Variants in TNRC6A observed in about 807,000 individuals in gnomAD.
TNRC6A encodes trinucleotide repeat containing adaptor 6A.
Under a neutral mutation model 221.2 loss-of-function variants are expected in TNRC6A, and 44 were observed. The observed-to-expected ratio is 0.20, with a 90% CI of 0.16 to 0.26. TNRC6A has a LOEUF of 0.26. TNRC6A is among the 10% of genes least tolerant of loss of function. The probability of loss-of-function intolerance (pLI) is 1.00; values close to 1 mark genes in which losing one functional copy is unlikely to be tolerated. For synonymous variants in TNRC6A, 847 were observed against 838.5 expected, an observed-to-expected ratio of 1.01 and a Z score of -0.18; for missense variants, 2,199 against 2,404.4, an observed-to-expected ratio of 0.91 and a Z score of 1.79.
intron 2 of TNRC6A, among the ~76,000 whole-genome samples, chr16:24,746,563 G>A (rs1033179381): frequency 3.3e-5 from 5 of 152,130 alleles, no homozygotes; most frequent in Non-Finnish European, 5.9e-5. Flanking sequence ...CTATTGATTG[G>A]TTTTTGGTTA....
chr16:24,687,911 C>CTTCTTTTCTTTTCTTTTCTTTTCTT lies in TNRC6A; in HGVS notation n.402+46925_402+46949dup, dbSNP rs551462314. Reference sequence around the variant, plus strand: ...GCTTATTCCAACTTTCTTGGACATGCTTCTTTTCTTTTCTTTTCTTTTCTT... The same window carrying CTTCTTTTCTTTTCTTTTCTTTTCTT: ...GCTTATTCCAACTTTCTTGGACATGCTTCTTTTCTTTTCTTTTCTTTTCTTTTCTTTTCTTTTCTTTTCTTTTCTT... On this transcript the variant is annotated intron_variant and non_coding_transcript_variant, in intron 2 of 2. Transcript: ENST00000566108. Among the ~76,000 whole-genome samples the CTTCTTTTCTTTTCTTTTCTTTTCTT allele has an allele frequency of 4.9e-4, 59 of 120,254 alleles. 1 individual carries two copies. The highest frequency in any genetic ancestry group is 1.8e-3 in the African/African-American group (56 of 31,550). 78.9% of individuals were successfully genotyped at this position (120,254 alleles called of 152,430 possible).
intron 4 of TNRC6A, among the ~76,000 whole-genome samples, chr16:24,764,224 A>C (rs2057423173): frequency 6.6e-6 from 1 of 151,738 alleles, no homozygotes; most frequent in Non-Finnish European, 1.5e-5. Context: ...TACATCACTC[A>C]ATGTCTTCCA....
chr16:24,724,663 G>C (rs906456467), upstream of TNRC6A, among the ~76,000 whole-genome samples: 24 of 152,136 alleles, frequency 1.6e-4, no homozygotes, highest in Non-Finnish European at 4.4e-5. Flanking sequence ...AGGATCACTT[G>C]AGCCCAGGAG....
chr16:24,798,093 A>T, intron 11 of TNRC6A, 127 bp downstream of exon 11: 1 of 688,378 alleles, frequency 1.5e-6, no homozygotes, highest in Non-Finnish European at 2.4e-6. Flanking sequence ...AGACGTACAC[A>T]TGCTGTGGTT....
rs537906470 is a variant in TNRC6A at position 24,804,422 on chromosome 16, C to T, written c.3837+103C>T. 6.8e-5 allele frequency: 89 copies of T among 1,317,228 alleles called. No homozygotes were observed. The African/African-American group carries it at 1.2e-3, about 17-fold the overall frequency. 81.6% of individuals were successfully genotyped at this position (1,317,228 alleles called of 1,614,324 possible). A position where few individuals can be genotyped will look rare whatever the true frequency, so the allele number is the denominator to read the frequency against. Reference sequence around the variant, plus strand: ...ACCTTTTATATAATATAAAGTGTTACAATCCACTACCAAATCTTATTACTG... The same window carrying T: ...ACCTTTTATATAATATAAAGTGTTATAATCCACTACCAAATCTTATTACTG... On this transcript the variant is annotated intron_variant, in intron 12 of 24. Transcript: ENST00000395799.
chr16:24,681,798 G>A (rs1253563291), intron 2 of TNRC6A, among the ~76,000 whole-genome samples: 1 of 152,094 alleles, frequency 6.6e-6, no homozygotes, highest in Non-Finnish European at 1.5e-5. Flanking sequence ...ATAGACAACT[G>A]GTTTGATTGT....
At chr16:24,695,083 G>C (rs1423156658) in intron 2 of TNRC6A, among the ~76,000 whole-genome samples, 1 of 152,124 alleles carries the variant, frequency 6.6e-6, no homozygotes, top group Admixed American at 6.6e-5. Flanking sequence ...TTGCTTGCTG[G>C]CACGGGAGTG....
intron 17 of TNRC6A, among the ~76,000 whole-genome samples, chr16:24,807,899 G>A (rs1397005896): frequency 6.6e-6 from 1 of 152,180 alleles, no homozygotes; most frequent in Non-Finnish European, 1.5e-5. Context: ...TGGGCTGTGG[G>A]CAGAGGCTGG....
At chr16:24,620,385 T>C in intron 1 of TNRC6A, among the ~76,000 whole-genome samples, 1 of 152,284 alleles carries the variant, frequency 6.6e-6, no homozygotes, top group East Asian at 1.9e-4. Flanking sequence ...GTATTGTTGG[T>C]AGTGTCGTTA....
intron 2 of TNRC6A, among the ~76,000 whole-genome samples, chr16:24,697,573 TAC>T (rs780760378): frequency 7.9e-4 from 120 of 152,178 alleles, no homozygotes; most frequent in Non-Finnish European, 1.4e-3. Flanking sequence ...TAGTCCCAGC[TAC>T]TTAGGAAGCT....
intron 1 of TNRC6A, among the ~76,000 whole-genome samples, chr16:24,633,875 C>G (rs929286333): frequency 6.6e-6 from 1 of 151,950 alleles, no homozygotes; most frequent in African/African-American, 2.4e-5. Flanking sequence ...CTCTGCCTCC[C>G]GGTTCCAGGG....
rs1161857914 is a variant in TNRC6A, at chr16:24,815,183, C to T, written c.4709C>T (p.Pro1570Leu). ...ISSGFRLEES[P>L]FVPYDFMNSS... ...AGTGGTTTCAGGCTGGAAGAGTCTC[C>T]ATTTGTTCCCTATGACTTTATGAAC... The change falls in exon 19 of 25, where the codon CCA becomes CTA. Residue 1570 changes from proline to leucine, a missense_variant. By Grantham distance (98) the Pro-to-Leu change is moderately conservative. Coordinates refer to ENST00000395799, the MANE Select transcript of TNRC6A (RefSeq NM_014494.4). The T allele has an allele frequency of 1.9e-6, 3 of 1,614,156 alleles. No individual in the cohort carries two copies. In the South Asian group the frequency reaches 3.3e-5, roughly 18 times the overall value.
In TNRC6A at chr16:24,729,668, T is replaced by TGCGGCGGCGGCGGTGTCGGCG. The variant is rs1025581060; in HGVS notation, c.-160_-140dup. ...GGGCATTCACTTCCGGTCTGGGGCC[T>TGCGGCGGCGGCGGTGTCGGCG]GCGGCGGCGGCGGTGTCGGCGGCGG... On this transcript the variant is annotated 5_prime_UTR_variant, in exon 1 of 25. Transcript: ENST00000395799. 18 of 649,362 alleles carry TGCGGCGGCGGCGGTGTCGGCG rather than the reference T, an allele frequency of 2.8e-5. No individual in the cohort carries two copies. The highest frequency in any genetic ancestry group is 1.2e-4 in the African/African-American group (6 of 49,234). 40.2% of individuals were successfully genotyped at this position (649,362 alleles called of 1,614,324 possible).
Position 24,794,733 on chromosome 16 carries a change from G to A in TNRC6A, c.3528+14G>A. 1 of 1,585,990 alleles carries A rather than the reference G, an allele frequency of 6.3e-7. No individual in the cohort carries two copies. The highest frequency in any genetic ancestry group is 8.5e-7 in the Non-Finnish European group (1 of 1,170,878). On this transcript the variant is annotated intron_variant, in intron 8 of 24. Transcript: ENST00000395799. ...ATGTCATCGAAGGTAAACATTTCAA[G>A]GGCAAAGCCCTTGAAACTTTAAATT...
intron 2 of TNRC6A, among the ~76,000 whole-genome samples, chr16:24,671,673 G>A (rs996483670): frequency 2.0e-5 from 3 of 152,150 alleles, no homozygotes; most frequent in Non-Finnish European, 4.4e-5. Flanking sequence ...AATCCAAAAT[G>A]TGAGATGTTT....
At chr16:24,745,681 G>T (rs533314441) in intron 2 of TNRC6A, among the ~76,000 whole-genome samples, 2 of 151,708 alleles carry the variant, frequency 1.3e-5, no homozygotes, top group African/African-American at 4.8e-5. Flanking sequence ...TCCCTCTGTT[G>T]CCCAGGGTGG....
At chr16:24,697,311 G>A (rs1021048238) in intron 2 of TNRC6A, among the ~76,000 whole-genome samples, 11 of 152,114 alleles carry the variant, frequency 7.2e-5, no homozygotes, top group Non-Finnish European at 1.5e-4. Context: ...CTTCTGAATC[G>A]TTGTGTCTCT....
At chr16:24,709,015 G>A (rs2056152778) in intron 2 of TNRC6A, among the ~76,000 whole-genome samples, 1 of 152,136 alleles carries the variant, frequency 6.6e-6, no homozygotes, top group African/African-American at 2.4e-5. Context: ...CCAGCACTTT[G>A]GGAGGCTGAG....
intron 1 of TNRC6A, among the ~76,000 whole-genome samples, chr16:24,639,863 C>T (rs183934414): frequency 6.6e-5 from 10 of 152,226 alleles, no homozygotes; most frequent in African/African-American, 2.2e-4. Flanking sequence ...CACTATGTTG[C>T]CCAGACTGGT....
Sources: allele counts gnomAD v4.1 joint callset (sites outside exome capture counted in the v4.1 genomes callset), GRCh38; gene constraint gnomAD v4.1.1; transcripts MANE v1.5; gene names NCBI Gene and HGNC (gene_info 2026-07-23, HGNC 2026-07-21).